EYS: variants seen among roughly 807,000 people sequenced by gnomAD.
EYS encodes the protein protein eyes shut homolog.
In EYS, 250 loss-of-function variants were observed where a neutral mutation model predicts 282.1. The ratio of observed to expected loss-of-function variants is 0.89; its 90% CI spans 0.80 to 0.98. EYS has a LOEUF of 0.98. Ranked by LOEUF, EYS falls within the 50% of genes least tolerant of loss-of-function variation. EYS has a pLI of 0.00. For missense variants in EYS, 4,016 were observed against 3,709.0 expected (o/e 1.08, Z -2.15); for synonymous variants, 1,355 against 1,282.9 (o/e 1.06, Z -1.20).
intron 29 of EYS, among the ~76,000 whole-genome samples, chr6:64,342,321 T>A (rs963130368): frequency 1.1e-4 from 17 of 151,674 alleles, no homozygotes; most frequent in African/African-American, 4.1e-4. Context: ...GAGAGAAAGG[T>A]CGGGTTACCC....
chr6:64,363,060 T>C (rs1217746054), intron 29 of EYS, among the ~76,000 whole-genome samples: 1 of 151,350 alleles, frequency 6.6e-6, no homozygotes, highest in South Asian at 2.1e-4. Context: ...TCTCCCAGGC[T>C]CAAGCAATCC....
chr6:63,989,186 G>A (rs1036202970), intron 34 of EYS, among the ~76,000 whole-genome samples: 5 of 151,690 alleles, frequency 3.3e-5, no homozygotes, highest in African/African-American at 1.2e-4. Context: ...AGATTATGAT[G>A]ACTTACAATT....
At chr6:64,902,041 G>T in intron 18 of EYS, 72 bp downstream of exon 18, 1 of 985,172 alleles carries the variant, frequency 1.0e-6, no homozygotes, top group Non-Finnish European at 1.5e-6. Flanking sequence ...TACATAATGA[G>T]CACATGTGTG....
intron 29 of EYS, among the ~76,000 whole-genome samples, chr6:64,341,273 G>A (rs968703575): frequency 2.0e-5 from 3 of 151,656 alleles, no homozygotes; most frequent in African/African-American, 4.8e-5. Flanking sequence ...TGTCACAATA[G>A]CAAAGACATT....
At chr6:63,793,911 TG>T (rs1207267381) in intron 37 of EYS, among the ~76,000 whole-genome samples, 1 of 152,170 alleles carries the variant, frequency 6.6e-6, no homozygotes, top group African/African-American at 2.4e-5. Flanking sequence ...CAGGGCAGTA[TG>T]TGTGGGGTGA....
At chr6:65,117,368 A>G (rs948558107) in intron 12 of EYS, among the ~76,000 whole-genome samples, 3 of 152,240 alleles carry the variant, frequency 2.0e-5, no homozygotes, top group African/African-American at 7.2e-5. Flanking sequence ...TAGATGGTAG[A>G]ATTTGCTGTC....
intron 31 of EYS, among the ~76,000 whole-genome samples, chr6:64,216,788 T>C (rs903031845): frequency 7.9e-5 from 12 of 152,168 alleles, no homozygotes; most frequent in African/African-American, 2.7e-4. Flanking sequence ...GAGCAATGGC[T>C]GAACAGAACC....
chr6:64,747,696 G>A (rs560851785), intron 22 of EYS, among the ~76,000 whole-genome samples: 8 of 152,100 alleles, frequency 5.3e-5, no homozygotes, highest in Admixed American at 1.3e-4. Flanking sequence ...ACTTAATAGC[G>A]CCTTCATTTC....
intron 2 of EYS, among the ~76,000 whole-genome samples, chr6:65,597,878 A>C (rs1765464565): frequency 6.6e-6 from 1 of 152,056 alleles, no homozygotes; most frequent in Non-Finnish European, 1.5e-5. Context: ...AGGCGGGCAG[A>C]TCACTCGAGC....
rs547972452 is a variant in EYS, at chr6:65,003,343, G to A, written c.2138-5640C>T. ...GCACTCCCAGGCTTATTAGAAAGAG[G>A]AAATTCCTGCCTAATAAATTTTGGT... On this transcript the variant is annotated intron_variant, in intron 13 of 42. Coordinates refer to ENST00000503581, the MANE Select transcript of EYS (RefSeq NM_001142800.2). Among the ~76,000 whole-genome samples the A allele has an allele frequency of 2.7e-5, 4 of 147,216 alleles. 1 individual carries two copies. The East Asian group carries it at 8.6e-4, about 32-fold the overall frequency.
At chr6:64,968,171 G>C (rs9345573) in intron 14 of EYS, among the ~76,000 whole-genome samples, 10,288 of 151,984 alleles carry the variant, frequency 0.068, 444 homozygotes, top group East Asian at 0.13. Context: ...AATTAACTTC[G>C]ATTTTTAAAA....
chr6:63,952,823 C>T (rs1765657301), intron 35 of EYS, among the ~76,000 whole-genome samples: 1 of 152,098 alleles, frequency 6.6e-6, no homozygotes, highest in Non-Finnish European at 1.5e-5. Flanking sequence ...GCAACCTTAC[C>T]ATCCCATTAA....
chr6:64,466,875 C>T (rs1775937960), intron 26 of EYS, among the ~76,000 whole-genome samples: 3 of 151,916 alleles, frequency 2.0e-5, no homozygotes, highest in Admixed American at 1.3e-4. Flanking sequence ...CAATTTGTGT[C>T]ATTTAATATA....
rs145546034 is a variant in EYS at position 64,683,011 on chromosome 6, A to G, written c.3444-56766T>C. Among the ~76,000 whole-genome samples, 33 of 152,322 alleles carry G rather than the reference A, an allele frequency of 2.2e-4. No homozygotes were observed. The East Asian group carries it at 6.0e-3, about 28-fold the overall frequency. On this transcript the variant is annotated intron_variant, in intron 22 of 42. Transcript: ENST00000503581. Reference sequence around the variant, plus strand: ...TAACTAATACAGAAATAGTTCATGTATAGGAGAGAGCATGAGGATATAGAA... The same window carrying G: ...TAACTAATACAGAAATAGTTCATGTGTAGGAGAGAGCATGAGGATATAGAA...
intron 36 of EYS, among the ~76,000 whole-genome samples, chr6:63,849,632 T>TGG (rs1448674241): frequency 1.3e-5 from 2 of 151,778 alleles, no homozygotes; most frequent in Non-Finnish European, 2.9e-5. Flanking sequence ...AACATCAACA[T>TGG]CAACAAAAAG....
intron 35 of EYS, among the ~76,000 whole-genome samples, chr6:63,880,875 T>C (rs1460352389): frequency 6.6e-6 from 1 of 152,222 alleles, no homozygotes; most frequent in East Asian, 1.9e-4. Flanking sequence ...AAATGGACTG[T>C]GCTATTTCTT....
At chr6:64,913,148 C>A (rs1404380401) in intron 15 of EYS, among the ~76,000 whole-genome samples, 3 of 152,076 alleles carry the variant, frequency 2.0e-5, no homozygotes. Flanking sequence ...ATGTGAAATT[C>A]TTGTCATCAC....
chr6:65,353,716 T>C (rs1764372528), intron 8 of EYS, 99 bp from the exon 9 acceptor site: 1 of 994,138 alleles, frequency 1.0e-6, no homozygotes, highest in African/African-American at 1.6e-5. Context: ...ACCACAGTGA[T>C]TATAGAAAAC....
intron 22 of EYS, among the ~76,000 whole-genome samples, chr6:64,708,364 C>G (rs1325463627): frequency 6.6e-6 from 1 of 152,212 alleles, no homozygotes; most frequent in Non-Finnish European, 1.5e-5. Context: ...TTGTTTACCT[C>G]TCTTATTAAA....
Sources: allele counts gnomAD v4.1 joint callset (sites outside exome capture counted in the v4.1 genomes callset), GRCh38; gene constraint gnomAD v4.1.1; transcripts MANE v1.5; gene names NCBI Gene and HGNC (gene_info 2026-07-23, HGNC 2026-07-21).